MICU1: variants seen among roughly 807,000 people sequenced by gnomAD.
MICU1 encodes mitochondrial calcium uptake 1.
MICU1 carries 45 observed loss-of-function variants against 56.8 expected under a neutral mutation model. That is an observed-to-expected ratio of 0.79 (90% CI 0.62 to 1.02). MICU1 has a LOEUF of 1.02. Among genes scored for constraint, MICU1 ranks in the 50% least tolerant of loss-of-function variants. The pLI, the probability that MICU1 is intolerant of heterozygous loss-of-function variation, is 0.00. For synonymous variants in MICU1, 186 were observed against 195.1 expected, an observed-to-expected ratio of 0.95 and a Z score of 0.39; for missense variants, 504 against 587.1, an observed-to-expected ratio of 0.86 and a Z score of 1.46.
At chr10:72,517,635 T>C (rs575590433) in intron 5 of MICU1, among the ~76,000 whole-genome samples, 19 of 151,460 alleles carry the variant, frequency 1.3e-4, no homozygotes, top group Admixed American at 4.6e-4. Context: ...TGGGGAAGGG[T>C]GAGGGGGTGA....
chr10:72,372,649 G>C (rs1862383423), intron 11 of MICU1, among the ~76,000 whole-genome samples: 1 of 151,966 alleles, frequency 6.6e-6, no homozygotes, highest in Admixed American at 6.6e-5. Flanking sequence ...GACCAGCCTG[G>C]CCAACAGGGT....
At chr10:72,533,254 A>C in intron 5 of MICU1, 1 of 693,362 alleles carries the variant, frequency 1.4e-6, no homozygotes, top group Non-Finnish European at 2.1e-6. Context: ...TATATTATTT[A>C]TTCAGGTATA....
At chr10:72,596,101 T>C (rs1589376928) in intron 1 of MICU1, among the ~76,000 whole-genome samples, 3 of 151,242 alleles carry the variant, frequency 2.0e-5, no homozygotes, top group Admixed American at 2.0e-4. Context: ...TTCTCCCGCC[T>C]CAGCCTCCCC....
At chr10:72,488,989 C>T (rs1866561251) in intron 6 of MICU1, among the ~76,000 whole-genome samples, 2 of 152,076 alleles carry the variant, frequency 1.3e-5, no homozygotes, top group Non-Finnish European at 2.9e-5. Context: ...GGCACTGTTA[C>T]TTAGATGTAG....
chr10:72,372,293 A>G (rs1862371164), intron 11 of MICU1, among the ~76,000 whole-genome samples: 1 of 152,036 alleles, frequency 6.6e-6, no homozygotes. Context: ...ACTTGAACTC[A>G]GGAGTTTGAG....
intron 10 of MICU1, among the ~76,000 whole-genome samples, chr10:72,381,445 C>A (rs1278584663): frequency 1.3e-5 from 2 of 152,110 alleles, no homozygotes; most frequent in Non-Finnish European, 2.9e-5. Context: ...CTTCCATGAG[C>A]TTTTGTTAAT....
intron 1 of MICU1, among the ~76,000 whole-genome samples, chr10:72,618,513 T>C (rs1589395900): frequency 6.6e-6 from 1 of 152,194 alleles, no homozygotes; most frequent in African/African-American, 2.4e-5. Context: ...GATTGCTTAA[T>C]TTAAATGCTA....
intron 1 of MICU1, among the ~76,000 whole-genome samples, chr10:72,581,523 G>C (rs1160262413): frequency 6.6e-6 from 1 of 152,104 alleles, no homozygotes; most frequent in African/African-American, 2.4e-5. Context: ...AGCTACTCAG[G>C]GGGCTGAGGC....
chr10:72,508,344 C>A, intron 5 of MICU1, 75 bp from the exon 6 acceptor site: 3 of 559,790 alleles, frequency 5.4e-6, no homozygotes, highest in Non-Finnish European at 9.3e-6. Flanking sequence ...AGAGATGAAT[C>A]ACCATTTATC....
In MICU1 at chr10:72,600,714, C is replaced by T. The variant is rs545666621; in HGVS notation, c.-2+25296G>A. Among the ~76,000 whole-genome samples the T allele has an allele frequency of 4.3e-4, 64 of 149,630 alleles. 1 individual carries two copies. Among genetic ancestry groups the T allele is most frequent in the African/African-American group, 1.4e-3 (57 of 40,612 alleles). The stretch of plus-strand genomic sequence containing the variant: ...TTGCTGTCACACCTTAAACTGCAAA[C>T]GTTATGGCCACTATGCATGATAAGT... On this transcript the variant is annotated intron_variant, in intron 1 of 11. Transcript: ENST00000361114.
intron 5 of MICU1, among the ~76,000 whole-genome samples, chr10:72,528,219 T>C (rs552299893): frequency 6.6e-6 from 1 of 152,280 alleles, no homozygotes; most frequent in African/African-American, 2.4e-5. Flanking sequence ...ATGCCCAAAG[T>C]AACATGTGAC....
At chr10:72,376,512 G>A (rs1262476591) in intron 10 of MICU1, among the ~76,000 whole-genome samples, 16 of 151,848 alleles carry the variant, frequency 1.1e-4, no homozygotes, top group Non-Finnish European at 1.9e-4. Flanking sequence ...CGGCATGGTG[G>A]TGTGCACCAG....
intron 1 of MICU1, among the ~76,000 whole-genome samples, chr10:72,594,364 G>T (rs1231124713): frequency 2.0e-5 from 3 of 151,944 alleles, no homozygotes; most frequent in Admixed American, 6.6e-5. Context: ...AAAAGAGAAA[G>T]TTGAACCCTT....
intron 1 of MICU1, among the ~76,000 whole-genome samples, chr10:72,569,367 T>TACA (rs1840548909): frequency 6.7e-6 from 1 of 150,366 alleles, no homozygotes; most frequent in African/African-American, 2.4e-5. Flanking sequence ...CTTGAGTAGC[T>TACA]GGGACTACAG....
chr10:72,615,834 C>CA (rs1841965351), intron 1 of MICU1, among the ~76,000 whole-genome samples: 1 of 151,928 alleles, frequency 6.6e-6, no homozygotes, highest in Non-Finnish European at 1.5e-5. Flanking sequence ...ACTAAAAATA[C>CA]AAAAAATTAG....
At chr10:72,380,999 C>G (rs1472578800) in intron 10 of MICU1, among the ~76,000 whole-genome samples, 1 of 152,148 alleles carries the variant, frequency 6.6e-6, no homozygotes, top group Non-Finnish European at 1.5e-5. Context: ...GGAACTCATA[C>G]CGACAATTTT....
intron 4 of MICU1, 48 bp from the exon 5 acceptor site, chr10:72,533,837 T>G (rs1187547405): frequency 4.6e-6 from 6 of 1,305,636 alleles, no homozygotes; most frequent in Non-Finnish European, 6.4e-6. Context: ...ATAACTCAAG[T>G]GAAATTTATA....
intron 1 of MICU1, among the ~76,000 whole-genome samples, chr10:72,572,490 G>C (rs968570612): frequency 2.0e-5 from 3 of 151,894 alleles, no homozygotes; most frequent in African/African-American, 7.3e-5. Flanking sequence ...TTTAATAACT[G>C]TTCTCAGCAG....
At chr10:72,479,600 C>T (rs1866227919) in intron 6 of MICU1, among the ~76,000 whole-genome samples, 1 of 152,192 alleles carries the variant, frequency 6.6e-6, no homozygotes. Flanking sequence ...ACAGTCATAG[C>T]TCAATGCAAC....
Sources: allele counts gnomAD v4.1 joint callset (sites outside exome capture counted in the v4.1 genomes callset), GRCh38; gene constraint gnomAD v4.1.1; transcripts MANE v1.5; gene names NCBI Gene and HGNC (gene_info 2026-07-23, HGNC 2026-07-21).